Variants in TBCD observed in about 807,000 individuals in gnomAD.
The protein encoded by TBCD is tubulin-specific chaperone D.
Under a neutral mutation model 169.3 loss-of-function variants are expected in TBCD, and 105 were observed. That is an observed-to-expected ratio of 0.62 (90% CI 0.53 to 0.73). TBCD has a LOEUF of 0.73. Among genes scored for constraint, TBCD ranks in the 30% least tolerant of loss-of-function variants. The pLI, the probability that TBCD is intolerant of heterozygous loss-of-function variation, is 0.00. For synonymous variants in TBCD, 700 were observed against 643.9 expected (o/e 1.09, Z -1.32); for missense variants, 1,444 against 1,600.1 (o/e 0.90, Z 1.66).
intron 13 of TBCD, among the ~76,000 whole-genome samples, chr17:82,852,674 C>T (rs765604292): frequency 3.9e-5 from 6 of 152,174 alleles, no homozygotes; most frequent in African/African-American, 1.4e-4. Context: ...TACAGGCACT[C>T]GGGGGCACTG....
At chr17:82,842,780 C>CTTTTTTT (rs375870095) in intron 13 of TBCD, among the ~76,000 whole-genome samples, 2 of 129,898 alleles carry the variant, frequency 1.5e-5, no homozygotes, top group African/African-American at 2.9e-5. Flanking sequence ...TTCTTTCTTT[C>CTTTTTTT]TTTTTTTTTT....
rs763620900 is a variant in TBCD at position 82,927,966 on chromosome 17, C to A, written c.2671C>A (p.Pro891Thr). Residue 891 changes from proline (P) to threonine (T), a missense_variant, in exon 30 of 39, where the codon CCT becomes ACT. Transcript: ENST00000355528. ...DLTLLLARSQ[P>T]ELIEAHTCER... ...GACACTTCTGCTGGCTCGGAGCCAG[C>A]CTGAGCTGATCGAGGCCCATACGTG... The A allele has an allele frequency of 6.2e-7, 1 of 1,612,396 alleles. No homozygotes were observed. The highest frequency in any genetic ancestry group is 8.5e-7 in the Non-Finnish European group (1 of 1,179,762).
At chr17:82,850,281 C>A (rs188453411) in intron 13 of TBCD, among the ~76,000 whole-genome samples, 2 of 99,060 alleles carry the variant, frequency 2.0e-5, no homozygotes, top group Non-Finnish European at 4.0e-5. Flanking sequence ...GGCTGTGCTG[C>A]TGTTGGCTGT....
At position 82,890,890 on chromosome 17, in the gene TBCD, G is replaced by A. The variant is rs2059087971; in HGVS notation, c.1563+1193G>A. ...GTTTGGTCTTTTGAGTGGAGAGTGT[G>A]GCTGCTGTGAGGAAGAAGGAGCTTG... is the stretch of plus-strand genomic sequence containing the variant. On this transcript the variant is annotated intron_variant, in intron 16 of 38. Coordinates refer to ENST00000355528, the MANE Select transcript of TBCD (RefSeq NM_005993.5). This position sits in a 1 kb window ranked among gnomAD's most constrained non-coding sequence, Gnocchi z 5.3. 6.6e-6 allele frequency among the ~76,000 whole-genome samples: 1 copy of A among 152,214 alleles called. No homozygotes were observed. Among genetic ancestry groups the A allele is most frequent in the Admixed American group, 6.5e-5 (1 of 15,290 alleles).
At chr17:82,837,174 A>C (rs2054060452) in intron 13 of TBCD, among the ~76,000 whole-genome samples, 1 of 152,208 alleles carries the variant, frequency 6.6e-6, no homozygotes, top group Non-Finnish European at 1.5e-5. Context: ...AAGCTTTCAA[A>C]TGATGATGAT....
intron 9 of TBCD, among the ~76,000 whole-genome samples, chr17:82,805,007 G>A (rs1175276797): frequency 6.6e-6 from 1 of 152,252 alleles, no homozygotes; most frequent in Non-Finnish European, 1.5e-5. Context: ...TACAGCCGCA[G>A]CAGCTGCCCT....
intron 7 of TBCD, among the ~76,000 whole-genome samples, chr17:82,788,880 G>C (rs2049497914): frequency 6.6e-6 from 1 of 152,182 alleles, no homozygotes; most frequent in Non-Finnish European, 1.5e-5. Flanking sequence ...CACCGCAGAG[G>C]CTGGTGTGAG....
rs115753961 is a variant in TBCD, at chr17:82,827,803, T to C, written c.1318+12869T>C. 8.4e-3 allele frequency among the ~76,000 whole-genome samples: 1,175 copies of C among 139,744 alleles called. 9 individuals carry two copies. Among genetic ancestry groups the C allele is most frequent in the African/African-American group, 0.031 (1,134 of 36,266 alleles). 91.7% of individuals were successfully genotyped at this position (139,744 alleles called of 152,430 possible). A position where few individuals can be genotyped will look rare whatever the true frequency, so the allele number is the denominator to read the frequency against. On this transcript the variant is annotated intron_variant, in intron 13 of 38. Coordinates refer to ENST00000355528, the MANE Select transcript of TBCD (RefSeq NM_005993.5). ...TATGTACACGTGGACACCCACACGA[T>C]TGAATGTGCCCCCCCACAGATATGC...
chr17:82,793,875 C>T (rs1568142351), intron 7 of TBCD, among the ~76,000 whole-genome samples: 1 of 152,274 alleles, frequency 6.6e-6, no homozygotes, highest in East Asian at 1.9e-4. Context: ...TCCCAAGATA[C>T]CATTTCTTGG....
At chr17:82,936,116 C>A (rs7218129) in intron 34 of TBCD, among the ~76,000 whole-genome samples, 2 of 152,088 alleles carry the variant, frequency 1.3e-5, no homozygotes, top group Non-Finnish European at 2.9e-5. Flanking sequence ...TGCTCCTTCC[C>A]TGGTTTTTCT....
At chr17:82,830,607 G>C in intron 13 of TBCD, 1 of 1,613,972 alleles carries the variant, frequency 6.2e-7, no homozygotes, top group Non-Finnish European at 8.5e-7. Flanking sequence ...GTGGTCGACC[G>C]GGGAAGGCAG....
At chr17:82,818,703 C>G (rs141819598) in intron 13 of TBCD, among the ~76,000 whole-genome samples, 1 of 152,252 alleles carries the variant, frequency 6.6e-6, no homozygotes, top group African/African-American at 2.4e-5. Flanking sequence ...CCATGTCACA[C>G]GGCTGAGCTG....
chr17:82,807,710 G>T, intron 11 of TBCD, 42 bp downstream of exon 11: 1 of 1,399,262 alleles, frequency 7.1e-7, no homozygotes, highest in Admixed American at 3.0e-5. Flanking sequence ...GGGGTGGGCC[G>T]GCCTCTCCTG....
At chr17:82,917,026 T>TC (rs953775367) in intron 23 of TBCD, among the ~76,000 whole-genome samples, 1 of 130,280 alleles carries the variant, frequency 7.7e-6, no homozygotes, top group Non-Finnish European at 1.6e-5. Flanking sequence ...TTTCTTTTCT[T>TC]TTTTTTTTTT....
chr17:82,779,913 C>G (rs1376420516), intron 6 of TBCD, among the ~76,000 whole-genome samples: 1 of 152,186 alleles, frequency 6.6e-6, no homozygotes, highest in Non-Finnish European at 1.5e-5. Context: ...CTGGCCCTCC[C>G]AAGTGTCCCT....
At chr17:82,821,571 A>G (rs954952497) in intron 13 of TBCD, among the ~76,000 whole-genome samples, 1 of 152,186 alleles carries the variant, frequency 6.6e-6, no homozygotes, top group African/African-American at 2.4e-5. Context: ...AAACTTAGGA[A>G]GCTCCCTATG....
At chr17:82,927,165 C>T (rs762763468) in intron 28 of TBCD, 21 bp from the exon 29 acceptor site, 13 of 1,613,678 alleles carry the variant, frequency 8.1e-6, no homozygotes, top group Admixed American at 1.7e-5. Flanking sequence ...TGTTTGTTAG[C>T]TCACACATTT....
chr17:82,833,699 A>G lies in TBCD; in HGVS notation c.1318+18765A>G, dbSNP rs1298683974. On this transcript the variant is annotated intron_variant, in intron 13 of 38. Coordinates refer to ENST00000355528, the MANE Select transcript of TBCD (RefSeq NM_005993.5). The surrounding 1 kb of genome is among the most constrained non-coding windows in gnomAD (Gnocchi z 4.7). The stretch of plus-strand genomic sequence containing the variant: ...ACACTCCTGCCCGAGAGGAGACCAG[A>G]GTGAGTAGTATCCGCTTTAGAGATG... Among the ~76,000 whole-genome samples, 1 of 152,132 alleles carries G rather than the reference A, an allele frequency of 6.6e-6. No individual in the cohort carries two copies. Among genetic ancestry groups the G allele is most frequent in the Non-Finnish European group, 1.5e-5 (1 of 68,018 alleles).
rs2061336848 is a variant in TBCD, at chr17:82,920,274, C to CTGACA, written c.2039-282_2039-281insTGACA. Among the ~76,000 whole-genome samples, 2 of 152,242 alleles carry CTGACA rather than the reference C, an allele frequency of 1.3e-5. No homozygotes were observed. The highest frequency in any genetic ancestry group is 2.9e-5 in the Non-Finnish European group (2 of 68,044). On this transcript the variant is annotated intron_variant, in intron 23 of 38. Transcript: ENST00000355528. The surrounding 1 kb of genome is among the most constrained non-coding windows in gnomAD (Gnocchi z 4.1). ...TCTGCAGCTCCCTGACAGGCCGGCCCGGCTTCTCTGAAGTGCACGTGGGCT... is the reference window on the plus strand; with the variant it reads ...TCTGCAGCTCCCTGACAGGCCGGCCCTGACAGGCTTCTCTGAAGTGCACGTGGGCT...
Sources: allele counts gnomAD v4.1 joint callset (sites outside exome capture counted in the v4.1 genomes callset), GRCh38; gene constraint gnomAD v4.1.1; non-coding constraint Gnocchi (gnomAD v3.1); transcripts MANE v1.5; gene names NCBI Gene and HGNC (gene_info 2026-07-23, HGNC 2026-07-21).